The following CUBN variants were observed in gnomAD, a reference collection of about 807,000 sequenced individuals.
CUBN encodes cubilin.
CUBN carries 282 observed loss-of-function variants against 405.3 expected under a neutral mutation model. The ratio of observed to expected loss-of-function variants is 0.70; its 90% CI spans 0.63 to 0.77. CUBN has a LOEUF of 0.77. CUBN is among the 30% of genes least tolerant of loss of function. CUBN has a pLI of 0.00. For missense variants in CUBN, 4,514 were observed against 4,475.2 expected (o/e 1.01, Z -0.25); for synonymous variants, 1,684 against 1,617.0 (o/e 1.04, Z -0.99).
Position 16,877,169 on chromosome 10 carries a change from C to T in CUBN, c.8906-72G>A. The T allele has an allele frequency of 2.3e-6, 3 of 1,317,228 alleles. No homozygotes were observed. In the South Asian group the frequency reaches 3.8e-5, roughly 17 times the overall value. The allele number at this position is 1,317,228 out of a possible 1,614,324, so 81.6% of individuals were successfully genotyped here. A position where few individuals can be genotyped will look rare whatever the true frequency, so the allele number is the denominator to read the frequency against. ...ACAATTAAGGCCATAAAAATAAAAA[C>T]AAAAATGTGATGATGACTCATGCAA... On this transcript the variant is annotated intron_variant, in intron 56 of 66. Coordinates refer to ENST00000377833, the MANE Select transcript of CUBN (RefSeq NM_001081.4).
At chr10:16,905,374 C>T (rs1841525290) in intron 50 of CUBN, among the ~76,000 whole-genome samples, 1 of 152,164 alleles carries the variant, frequency 6.6e-6, no homozygotes, top group Non-Finnish European at 1.5e-5. Flanking sequence ...GAGTACACCG[C>T]AATCCTTTTC....
In CUBN at chr10:17,102,614, T is replaced by A. The variant is rs1006294574; in HGVS notation, c.1530+511A>T. On this transcript the variant is annotated intron_variant, in intron 13 of 66. Transcript: ENST00000377833. ...GTTACTCTTTTTTTTTTTTTTTTTT[T>A]TTTTTTTTGTGAGATGGAGTCTTAC... Among the ~76,000 whole-genome samples, 1,003 of 142,106 alleles carry A rather than the reference T, an allele frequency of 7.1e-3. 44 individuals carry two copies. The East Asian group carries it at 0.093, about 13-fold the overall frequency. 93.2% of individuals were successfully genotyped at this position (142,106 alleles called of 152,430 possible).
intron 54 of CUBN, among the ~76,000 whole-genome samples, chr10:16,898,156 G>T (rs1701433411): frequency 6.6e-6 from 1 of 151,640 alleles, no homozygotes; most frequent in African/African-American, 2.4e-5. Context: ...CATCATTTGA[G>T]AGTTGATAGG....
intron 2 of CUBN, 106 bp from the exon 3 acceptor site, chr10:17,128,030 T>C: frequency 4.0e-6 from 3 of 758,092 alleles, no homozygotes; most frequent in Middle Eastern, 3.7e-4. Flanking sequence ...CTTTAAGCAC[T>C]AAGATCTTGC....
chr10:17,011,522 C>A (rs12244817), intron 28 of CUBN, among the ~76,000 whole-genome samples: 2,474 of 125,664 alleles, frequency 0.02, 66 homozygotes, highest in African/African-American at 0.063. Flanking sequence ...GTAGTGTGAA[C>A]CCAGAGTGAG....
At chr10:16,833,305 C>T (rs148051718) in intron 64 of CUBN, among the ~76,000 whole-genome samples, 151 of 152,298 alleles carry the variant, frequency 9.9e-4, no homozygotes, top group African/African-American at 3.6e-3. Flanking sequence ...ACCTGACCGG[C>T]ACAAAGAATA....
At chr10:16,916,304 A>T (rs1036054002) in intron 45 of CUBN, among the ~76,000 whole-genome samples, 19 of 152,366 alleles carry the variant, frequency 1.2e-4, no homozygotes, top group African/African-American at 4.6e-4. Context: ...CTGTAATGTC[A>T]CATTAATTCT....
Position 16,920,029 on chromosome 10 carries a change from G to T in CUBN, c.6755C>A (p.Ala2252Glu), listed in dbSNP as rs529856485. The change falls in exon 44 of 67, where the codon GCG becomes GAG. Residue 2252 changes from alanine to glutamate, a missense_variant. This residue lies in a region of CUBN where 1,613 missense variants were observed against 1,542.8 expected (regional missense o/e 1.05). Coordinates refer to ENST00000377833, the MANE Select transcript of CUBN (RefSeq NM_001081.4). Reference sequence around the variant, plus strand: ...CTGTATGCGTGTTTCCGGTGGAGCCGCTAAGATCCAAATGCAATCAGCGTG... The same window carrying T: ...CTGTATGCGTGTTTCCGGTGGAGCCTCTAAGATCCAAATGCAATCAGCGTG... ...PPHADCIWILAAPPETRIQLQ... is the reference protein window; with the variant it reads ...PPHADCIWILEAPPETRIQLQ... 6.2e-7 allele frequency: 1 copy of T among 1,613,844 alleles called. No homozygotes were observed.
chr10:17,102,252 C>CTTA (rs201370313), intron 13 of CUBN, among the ~76,000 whole-genome samples: 2,854 of 145,104 alleles, frequency 0.02, 49 homozygotes, highest in Non-Finnish European at 0.031. Context: ...GGAGGATCCT[C>CTTA]CTATTTATTT....
intron 56 of CUBN, 47 bp downstream of exon 56, chr10:16,888,369 AT>A: frequency 1.4e-6 from 2 of 1,462,248 alleles, no homozygotes; most frequent in Non-Finnish European, 1.9e-6. Context: ...TAAATATACA[AT>A]TTTTGTTTGT....
chr10:17,085,548 G>A lies in CUBN; in HGVS notation c.2110+49C>T, dbSNP rs370844955. ...AAAATATAAAACAGATGTAAGCATA[G>A]CATTGGCCTTCAAATCCCTCTTAAG... On this transcript the variant is annotated intron_variant, in intron 16 of 66. Coordinates refer to ENST00000377833, the MANE Select transcript of CUBN (RefSeq NM_001081.4). 15 of 1,519,970 alleles carry A rather than the reference G, an allele frequency of 9.9e-6. No individual in the cohort carries two copies. In the African/African-American group the frequency reaches 1.9e-4, roughly 19 times the overall value. The allele number at this position is 1,519,970 out of a possible 1,614,324, so 94.2% of individuals were successfully genotyped here. A position where few individuals can be genotyped will look rare whatever the true frequency, so the allele number is the denominator to read the frequency against.
intron 46 of CUBN, among the ~76,000 whole-genome samples, chr10:16,915,411 G>A (rs549271646): frequency 6.6e-6 from 1 of 152,270 alleles, no homozygotes; most frequent in South Asian, 2.1e-4. Flanking sequence ...AATGAGGAAG[G>A]CTTGCTCATT....
intron 31 of CUBN, among the ~76,000 whole-genome samples, chr10:16,960,274 C>T (rs1843179025): frequency 6.6e-6 from 1 of 152,154 alleles, no homozygotes; most frequent in African/African-American, 2.4e-5. Flanking sequence ...GGTGGATCAC[C>T]TGAGGTCAGG....
intron 28 of CUBN, among the ~76,000 whole-genome samples, chr10:17,001,611 A>G (rs934755324): frequency 6.6e-6 from 1 of 152,224 alleles, no homozygotes; most frequent in African/African-American, 2.4e-5. Flanking sequence ...TAAATTACAC[A>G]TGTTGAGTCA....
intron 31 of CUBN, among the ~76,000 whole-genome samples, chr10:16,976,357 T>A (rs986553070): frequency 6.6e-6 from 1 of 152,134 alleles, no homozygotes. Context: ...AATATATCAG[T>A]CTATTGTCTT....
Position 17,079,006 on chromosome 10 carries a change from C to G in CUBN, c.2301+5265G>C, listed in dbSNP as rs1407789212. 2.6e-5 allele frequency among the ~76,000 whole-genome samples: 4 copies of G among 152,106 alleles called. No homozygotes were observed. In the East Asian group the frequency reaches 7.7e-4, roughly 29 times the overall value. ...GTATTCTCTACAAGTTCTCACAACT[C>G]CAAATTAGGTGTTCTATCATCTCTC... is the stretch of plus-strand genomic sequence containing the variant. On this transcript the variant is annotated intron_variant, in intron 17 of 66. Transcript: ENST00000377833.
chr10:16,876,943 G>A lies in CUBN; in HGVS notation c.9060C>T (p.Asn3020=), dbSNP rs377526677. 30 of 1,614,070 alleles carry A rather than the reference G, an allele frequency of 1.9e-5. No homozygotes were observed. The highest frequency in any genetic ancestry group is 1.6e-4 in the Middle Eastern group (1 of 6,084). ...TGAATCCGAAGTCTGTGATTTGCTC[G>A]TTGGAGTAGAAGTTAAGCAGAACCG... ...AGPVLLNFYS[N]EQITDFGFKF... The change falls in exon 57 of 67, where the codon AAC becomes AAT. Residue 3020 remains asparagine (N), a synonymous_variant. Transcript: ENST00000377833.
At position 17,127,860 on chromosome 10, in the gene CUBN, A is replaced by C. The variant is rs1385792604; in HGVS notation, c.317T>G (p.Ile106Arg). The stretch of plus-strand genomic sequence containing the variant: ...ATTAAGCTGATAGATTTGACTAGAT[A>C]TATTTTGAGGCAGACCAATTGCACT... ...KGSAIGLPQNISSQIYQLNSK... is the reference protein window; with the variant it reads ...KGSAIGLPQNRSSQIYQLNSK... Residue 106 changes from isoleucine to arginine, a missense_variant, in exon 3 of 67, where the codon ATA becomes AGA. Around this residue, in one of 5 missense-constraint regions of CUBN, gnomAD observed 1,448 missense variants for 1,388.0 expected, o/e 1.04. Transcript: ENST00000377833. 6.2e-7 allele frequency: 1 copy of C among 1,613,120 alleles called. No homozygotes were observed.
intron 38 of CUBN, 98 bp from the exon 39 acceptor site, chr10:16,937,882 C>A (rs1230684725): frequency 1.8e-6 from 2 of 1,122,754 alleles, no homozygotes; most frequent in African/African-American, 3.2e-5. Context: ...ACAATGTTAT[C>A]ATAACAAAAA....
Sources: allele counts gnomAD v4.1 joint callset (sites outside exome capture counted in the v4.1 genomes callset), GRCh38; gene constraint gnomAD v4.1.1; regional missense constraint gnomAD v4.1.1; transcripts MANE v1.5; gene names NCBI Gene and HGNC (gene_info 2026-07-23, HGNC 2026-07-21).